The following ZNF804A variants were observed in gnomAD, a reference collection of about 807,000 sequenced individuals.
ZNF804A encodes zinc finger protein 804A.
A neutral mutation model predicts 16.5 loss-of-function variants in ZNF804A; 2 were observed. The ratio of observed to expected loss-of-function variants is 0.12; its 90% CI spans 0.05 to 0.38. ZNF804A has a LOEUF of 0.38. Ranked by LOEUF, ZNF804A falls within the 10% of genes least tolerant of loss-of-function variation. The probability of loss-of-function intolerance (pLI) is 0.99; values close to 1 mark genes in which losing one functional copy is unlikely to be tolerated. For synonymous variants in ZNF804A, 534 were observed against 489.6 expected, an observed-to-expected ratio of 1.09 and a Z score of -1.20; for missense variants, 1,473 against 1,390.7, an observed-to-expected ratio of 1.06 and a Z score of -0.94.
In ZNF804A at chr2:184,636,417, C is replaced by G. The variant is rs866653164; in HGVS notation, c.111+37347C>G. ...AGGACAAAGCATTGTGAGACTGGCTCTAGGGCTGTGTGTGTGTGTGTGTGT... is the reference window on the plus strand; with the variant it reads ...AGGACAAAGCATTGTGAGACTGGCTGTAGGGCTGTGTGTGTGTGTGTGTGT... On this transcript the variant is annotated intron_variant, in intron 1 of 3. Transcript: ENST00000302277. Among the ~76,000 whole-genome samples, 16 of 127,382 alleles carry G rather than the reference C, an allele frequency of 1.3e-4. No homozygotes were observed. In the South Asian group the frequency reaches 2.9e-3, roughly 23 times the overall value. The allele number at this position is 127,382 out of a possible 152,430, so 83.6% of individuals were successfully genotyped here.
At chr2:184,655,159 A>G (rs1692053611) in intron 1 of ZNF804A, among the ~76,000 whole-genome samples, 1 of 152,096 alleles carries the variant, frequency 6.6e-6, no homozygotes, top group Admixed American at 6.6e-5. Flanking sequence ...AATACTGCCC[A>G]GATTGTTTGC....
At chr2:184,638,085 G>A (rs1691730288) in intron 1 of ZNF804A, among the ~76,000 whole-genome samples, 1 of 152,146 alleles carries the variant, frequency 6.6e-6, no homozygotes, top group South Asian at 2.1e-4. Flanking sequence ...TTGTGTGCCA[G>A]TTAATATCCC....
chr2:184,624,267 G>A (rs528166076), intron 1 of ZNF804A, among the ~76,000 whole-genome samples: 1 of 152,120 alleles, frequency 6.6e-6, no homozygotes, highest in East Asian at 1.9e-4. Flanking sequence ...GGTAAAAATG[G>A]TAAATTTTAT....
chr2:184,600,554 G>T lies in ZNF804A; in HGVS notation c.111+1484G>T, dbSNP rs183141127. 3.9e-3 allele frequency among the ~76,000 whole-genome samples: 593 copies of T among 152,186 alleles called. 6 individuals carry two copies. The highest frequency in any genetic ancestry group is 0.014 in the African/African-American group (566 of 41,526). ...AAGTAAAAAAGGAAGGTAAAATTTTGGGGGAAAAACTTTCAGTCTGAAGAA... is the reference window on the plus strand; with the variant it reads ...AAGTAAAAAAGGAAGGTAAAATTTTTGGGGAAAAACTTTCAGTCTGAAGAA... On this transcript the variant is annotated intron_variant, in intron 1 of 3. Transcript: ENST00000302277.
chr2:184,925,530 T>G (rs1685596365), intron 2 of ZNF804A, among the ~76,000 whole-genome samples: 1 of 151,976 alleles, frequency 6.6e-6, no homozygotes, highest in Admixed American at 6.6e-5. Flanking sequence ...GTTTAGTCCA[T>G]GTATGCTTAA....
At chr2:184,792,091 GT>G (rs1335425417) in intron 1 of ZNF804A, among the ~76,000 whole-genome samples, 3 of 152,050 alleles carry the variant, frequency 2.0e-5, no homozygotes, top group Non-Finnish European at 2.9e-5. Context: ...ATACTTCCAA[GT>G]TTTGGCAATT....
chr2:184,737,005 G>T (rs1448546961), intron 1 of ZNF804A, among the ~76,000 whole-genome samples: 1 of 150,176 alleles, frequency 6.7e-6, no homozygotes, highest in Non-Finnish European at 1.5e-5. Flanking sequence ...TGTTGTAGAT[G>T]TTGTTACTTA....
At chr2:184,706,503 T>G (rs1693033246) in intron 1 of ZNF804A, among the ~76,000 whole-genome samples, 1 of 152,184 alleles carries the variant, frequency 6.6e-6, no homozygotes, top group East Asian at 1.9e-4. Flanking sequence ...ACCATTTTCA[T>G]TTGTTGATAG....
intron 2 of ZNF804A, among the ~76,000 whole-genome samples, chr2:184,903,349 C>T (rs929065147): frequency 4.6e-5 from 7 of 152,072 alleles, no homozygotes; most frequent in Admixed American, 2.0e-4. Context: ...TGTACCGTTT[C>T]TATGTTTAAG....
At position 184,762,059 on chromosome 2, in the gene ZNF804A, ATC is replaced by A. The variant is rs1447636614; in HGVS notation, c.112-104306_112-104305del. Among the ~76,000 whole-genome samples, 6 of 152,214 alleles carry A rather than the reference ATC, an allele frequency of 3.9e-5. No homozygotes were observed. In the East Asian group the frequency reaches 1.2e-3, roughly 29 times the overall value. ...TGCTGAAAGGAGGATAAAGGAATAT[ATC>A]TCTGTCACATTCCATGATGTCTCTC... On this transcript the variant is annotated intron_variant, in intron 1 of 3. Transcript: ENST00000302277.
chr2:184,938,726 T>TGCAGCTGCAGCTGCAGCC lies in ZNF804A; in HGVS notation c.3341_3358dup (p.Ala1114_Ala1119dup), dbSNP rs752338922. On this transcript the variant is annotated inframe_insertion, in exon 4 of 4. Transcript: ENST00000302277. Reference sequence around the variant, plus strand: ...TTTTGCAGCAGCACGCTGCAGCTGCTGCAGCTGCAGCTGCAGCCGCAGCTG... The same window carrying TGCAGCTGCAGCTGCAGCC: ...TTTTGCAGCAGCACGCTGCAGCTGCTGCAGCTGCAGCTGCAGCCGCAGCTGCAGCTGCAGCCGCAGCTG... 63 of 1,606,212 alleles carry TGCAGCTGCAGCTGCAGCC rather than the reference T, an allele frequency of 3.9e-5. No homozygotes were observed. The highest frequency in any genetic ancestry group is 5.4e-5 in the African/African-American group (4 of 74,582).
At chr2:184,915,168 T>C (rs1379566038) in intron 2 of ZNF804A, among the ~76,000 whole-genome samples, 1 of 152,038 alleles carries the variant, frequency 6.6e-6, no homozygotes, top group East Asian at 1.9e-4. Context: ...ATTCCATATT[T>C]ACTGTACAAA....
intron 1 of ZNF804A, among the ~76,000 whole-genome samples, chr2:184,831,119 C>G (rs1444382067): frequency 2.6e-5 from 4 of 151,860 alleles, no homozygotes; most frequent in Admixed American, 2.6e-4. Context: ...TTCTAAAATG[C>G]GAGAGGAGAG....
At chr2:184,811,092 A>G (rs866085838) in intron 1 of ZNF804A, among the ~76,000 whole-genome samples, 6 of 152,298 alleles carry the variant, frequency 3.9e-5, no homozygotes, top group Middle Eastern at 3.4e-3. Context: ...ACAAATTTGC[A>G]GTAAAAATCT....
At chr2:184,668,014 GT>G (rs146787887) in intron 1 of ZNF804A, among the ~76,000 whole-genome samples, 5,611 of 150,906 alleles carry the variant, frequency 0.037, 342 homozygotes, top group African/African-American at 0.13. Flanking sequence ...TCTAGTTCAA[GT>G]TTTTTTTTAA....
chr2:184,808,213 T>C (rs999729008), intron 1 of ZNF804A, among the ~76,000 whole-genome samples: 9 of 151,646 alleles, frequency 5.9e-5, no homozygotes, highest in African/African-American at 2.2e-4. Flanking sequence ...TACACAATGT[T>C]ATAATTTTTA....
At chr2:184,728,639 G>T (rs972747007) in intron 1 of ZNF804A, among the ~76,000 whole-genome samples, 1 of 151,790 alleles carries the variant, frequency 6.6e-6, no homozygotes, top group Non-Finnish European at 1.5e-5. Flanking sequence ...GTGGATAACT[G>T]TTATAATTCT....
intron 1 of ZNF804A, among the ~76,000 whole-genome samples, chr2:184,606,596 C>T (rs1397002603): frequency 4.6e-5 from 7 of 152,172 alleles, no homozygotes; most frequent in Admixed American, 4.6e-4. Context: ...ATAATGTGGA[C>T]AACCAGTTGA....
chr2:184,777,615 G>A (rs1304544367), intron 1 of ZNF804A, among the ~76,000 whole-genome samples: 3 of 151,190 alleles, frequency 2.0e-5, no homozygotes, highest in Non-Finnish European at 4.4e-5. Flanking sequence ...AAAAACAAAA[G>A]AAACTCATAC....
Sources: allele counts gnomAD v4.1 joint callset (sites outside exome capture counted in the v4.1 genomes callset), GRCh38; gene constraint gnomAD v4.1.1; transcripts MANE v1.5; gene names NCBI Gene and HGNC (gene_info 2026-07-23, HGNC 2026-07-21).